Variants in CUX1 observed in about 807,000 individuals in gnomAD.
The protein encoded by CUX1 is cut like homeobox 1.
In CUX1, 31 loss-of-function variants were observed where a neutral mutation model predicts 158.8. The observed-to-expected ratio is 0.20, with a 90% CI of 0.15 to 0.26. The LOEUF (loss-of-function observed/expected upper bound fraction) is 0.26. Among genes scored for constraint, CUX1 ranks in the 10% least tolerant of loss-of-function variants. CUX1 has a pLI of 1.00. For missense variants in CUX1, 1,589 were observed against 2,014.6 expected (o/e 0.79, Z 4.04); for synonymous variants, 879 against 862.1 (o/e 1.02, Z -0.34).
chr7:102,096,451 C>T (rs1175947244), intron 4 of CUX1, among the ~76,000 whole-genome samples: 2 of 152,124 alleles, frequency 1.3e-5, no homozygotes, highest in Admixed American at 6.6e-5. Context: ...GGGTGGCTCA[C>T]GCCTGTAATC....
In CUX1 at chr7:102,255,666, C is replaced by CA. The variant is rs1789816595; in HGVS notation, c.*6625dup. On this transcript the variant is annotated 3_prime_UTR_variant, in exon 24 of 24. Coordinates refer to ENST00000292535, the MANE Select transcript of CUX1 (RefSeq NM_181552.4). ...GAAAAGGTGCCTTATATCCCAATGT[C>CA]ACGGCTACATCCCTATGGAAATTAA... 1.0e-6 allele frequency: 1 copy of CA among 985,286 alleles called. No homozygotes were observed. Among genetic ancestry groups the CA allele is most frequent in the Non-Finnish European group, 1.2e-6 (1 of 829,936 alleles). The allele number at this position is 985,286 out of a possible 1,614,324, so 61.0% of individuals were successfully genotyped here.
intron 1 of CUX1, among the ~76,000 whole-genome samples, chr7:101,873,110 A>G (rs956631675): frequency 6.7e-6 from 1 of 149,132 alleles, no homozygotes; most frequent in African/African-American, 2.5e-5. Context: ...TGACCTTGTG[A>G]TCCTCCCATC....
rs183227776 is a variant in CUX1, at chr7:102,265,282, G to A, written c.1256-8084G>A. 3.8e-4 allele frequency among the ~76,000 whole-genome samples: 57 copies of A among 151,128 alleles called. 1 individual carries two copies. The highest frequency in any genetic ancestry group is 2.8e-3 in the Admixed American group (42 of 15,192). On this transcript the variant is annotated intron_variant, in intron 14 of 22. Coordinates refer to the CUX1 transcript ENST00000292538. The stretch of plus-strand genomic sequence containing the variant: ...GAGGCAGGAGAATTGCTTGAACCCC[G>A]GAGGCAGAGGTTGCAGTGAGCCGAG...
intron 1 of CUX1, among the ~76,000 whole-genome samples, chr7:101,832,021 C>T (rs1464607808): frequency 6.6e-6 from 1 of 152,098 alleles, no homozygotes; most frequent in Admixed American, 6.5e-5. Context: ...TGCTGGGATT[C>T]CAGGCCTGAG....
chr7:102,029,724 C>T (rs1458276602), intron 3 of CUX1, among the ~76,000 whole-genome samples: 1 of 152,150 alleles, frequency 6.6e-6, no homozygotes, highest in East Asian at 1.9e-4. Flanking sequence ...TTGGTCCGGC[C>T]AGCAGGACAC....
At chr7:101,920,373 C>T (rs796078203) in intron 2 of CUX1, among the ~76,000 whole-genome samples, 10 of 152,228 alleles carry the variant, frequency 6.6e-5, no homozygotes, top group African/African-American at 2.4e-4. Flanking sequence ...CCACCCGCCT[C>T]AGCCTCCCAA....
intron 14 of CUX1, among the ~76,000 whole-genome samples, chr7:102,271,551 C>A (rs1352636904): frequency 6.6e-6 from 1 of 152,244 alleles, no homozygotes; most frequent in Admixed American, 6.5e-5. Context: ...GACCTCTCCC[C>A]TTTGGGGTCT....
intron 23 of CUX1, among the ~76,000 whole-genome samples, chr7:102,243,980 TCA>T (rs1800531159): frequency 6.6e-6 from 1 of 151,788 alleles, no homozygotes; most frequent in African/African-American, 2.4e-5. Context: ...TGAGCCGAGA[TCA>T]CGCCATTGCA....
chr7:101,994,614 A>G (rs1338474260), intron 2 of CUX1, among the ~76,000 whole-genome samples: 1 of 152,142 alleles, frequency 6.6e-6, no homozygotes, highest in African/African-American at 2.4e-5. Context: ...CAACAGCAAC[A>G]AAAAAGGAAA....
chr7:102,167,451 C>T (rs999261541), intron 9 of CUX1, among the ~76,000 whole-genome samples: 7 of 152,118 alleles, frequency 4.6e-5, no homozygotes, highest in South Asian at 2.1e-4. Context: ...ACCAGATGCC[C>T]GGGACTTCCC....
At chr7:102,095,570 C>A (rs1361775917) in intron 4 of CUX1, among the ~76,000 whole-genome samples, 1 of 152,118 alleles carries the variant, frequency 6.6e-6, no homozygotes, top group African/African-American at 2.4e-5. Context: ...CCTAAAGAGT[C>A]CCTGGCTCCT....
intron 11 of CUX1, among the ~76,000 whole-genome samples, chr7:102,184,672 A>G (rs144375128): frequency 1.7e-3 from 256 of 152,162 alleles, no homozygotes; most frequent in Non-Finnish European, 2.6e-3. Flanking sequence ...TAAAGACAGG[A>G]TCTTGCTCTT....
intron 2 of CUX1, among the ~76,000 whole-genome samples, chr7:101,974,248 T>C (rs1176672410): frequency 6.6e-6 from 1 of 152,084 alleles, no homozygotes; most frequent in South Asian, 2.1e-4. Flanking sequence ...AACAAATGAC[T>C]TGACCATGAC....
At chr7:101,968,980 G>C (rs1475958776) in intron 2 of CUX1, among the ~76,000 whole-genome samples, 1 of 152,076 alleles carries the variant, frequency 6.6e-6, no homozygotes, top group African/African-American at 2.4e-5. Flanking sequence ...TCTGTTACTG[G>C]AAACGCCATG....
intron 23 of CUX1, among the ~76,000 whole-genome samples, chr7:102,245,303 C>A (rs533124316): frequency 6.6e-6 from 1 of 152,322 alleles, no homozygotes; most frequent in Admixed American, 6.5e-5. Flanking sequence ...CCAGGCCTCC[C>A]AAAGCCCTGG....
intron 19 of CUX1, 142 bp downstream of exon 19, chr7:102,204,698 G>T: frequency 9.0e-7 from 1 of 1,110,388 alleles, no homozygotes. Flanking sequence ...CCGTGGGCTG[G>T]TGCTGGGGGA....
At chr7:101,949,004 G>T (rs534884088) in intron 2 of CUX1, among the ~76,000 whole-genome samples, 1 of 152,214 alleles carries the variant, frequency 6.6e-6, no homozygotes, top group Non-Finnish European at 1.5e-5. Context: ...GCAATTTAAC[G>T]TGACGGTGAC....
At chr7:102,014,925 G>A (rs1173501693) in intron 2 of CUX1, among the ~76,000 whole-genome samples, 1 of 151,178 alleles carries the variant, frequency 6.6e-6, no homozygotes, top group Non-Finnish European at 1.5e-5. Context: ...CTGTCTTTCT[G>A]GCTGCACATG....
intron 1 of CUX1, among the ~76,000 whole-genome samples, chr7:101,835,914 A>G (rs1444221474): frequency 6.6e-6 from 1 of 152,148 alleles, no homozygotes; most frequent in East Asian, 1.9e-4. Flanking sequence ...TTTTTAGTAG[A>G]GACGAGGTTT....
Sources: allele counts gnomAD v4.1 joint callset (sites outside exome capture counted in the v4.1 genomes callset), GRCh38; gene constraint gnomAD v4.1.1; transcripts MANE v1.5; gene names NCBI Gene and HGNC (gene_info 2026-07-23, HGNC 2026-07-21).